Variants in SRPK2 observed in about 807,000 individuals in gnomAD.
SRPK2 encodes SRSF protein kinase 2, also known as SFRS protein kinase 2.
In SRPK2, 21 loss-of-function variants were observed where a neutral mutation model predicts 90.8. That is an observed-to-expected ratio of 0.23 (90% CI 0.16 to 0.33). The LOEUF is 0.33. SRPK2 is among the 10% of genes least tolerant of loss of function. The pLI is 1.00. For missense variants in SRPK2, 620 were observed against 869.0 expected (o/e 0.71, Z 3.60); for synonymous variants, 288 against 311.1 (o/e 0.93, Z 0.78).
chr7:105,386,072 T>C (rs924514289), intron 2 of SRPK2, among the ~76,000 whole-genome samples: 12 of 151,976 alleles, frequency 7.9e-5, no homozygotes, highest in African/African-American at 2.9e-4. Flanking sequence ...CCCAGCACTT[T>C]AGGAGGCCGA....
Position 105,303,463 on chromosome 7 carries a change from TA to T in SRPK2, c.71+85184del, listed in dbSNP as rs569579209. Among the ~76,000 whole-genome samples the T allele has an allele frequency of 5.7e-4, 85 of 148,488 alleles. No individual in the cohort carries two copies. In the Middle Eastern group the frequency reaches 0.021, roughly 36 times the overall value. On this transcript the variant is annotated intron_variant, in intron 2 of 15. Coordinates refer to ENST00000393651, the MANE Select transcript of SRPK2 (RefSeq NM_182692.3). ...TGTACCCTAGAACTTAAAGTATAAT[TA>T]AAAAAAAAATGACCTGAGTAAAAAG...
intron 2 of SRPK2, among the ~76,000 whole-genome samples, chr7:105,343,417 G>A (rs1816059932): frequency 6.6e-6 from 1 of 152,140 alleles, no homozygotes; most frequent in Non-Finnish European, 1.5e-5. Context: ...CTGGGCAATA[G>A]AGCGAGACCC....
intron 4 of SRPK2, among the ~76,000 whole-genome samples, chr7:105,168,475 A>G (rs1790368628): frequency 6.6e-6 from 1 of 152,206 alleles, no homozygotes; most frequent in African/African-American, 2.4e-5. Flanking sequence ...AGCATTTCAG[A>G]TAAGGGATAT....
chr7:105,277,475 A>T (rs1447456733), intron 2 of SRPK2, among the ~76,000 whole-genome samples: 1 of 152,244 alleles, frequency 6.6e-6, no homozygotes, highest in Non-Finnish European at 1.5e-5. Context: ...TCTGAAGCCA[A>T]GTATTGAGGT....
chr7:105,367,013 G>C (rs1585913876), intron 2 of SRPK2, among the ~76,000 whole-genome samples: 1 of 151,922 alleles, frequency 6.6e-6, no homozygotes, highest in African/African-American at 2.4e-5. Flanking sequence ...TTACAGACTT[G>C]CACTAAACAT....
At chr7:105,251,775 G>C (rs762490704) in intron 2 of SRPK2, among the ~76,000 whole-genome samples, 4 of 152,198 alleles carry the variant, frequency 2.6e-5, no homozygotes, top group Non-Finnish European at 5.9e-5. Flanking sequence ...GGGTGTGTCT[G>C]GTGATGGGTA....
At chr7:105,315,034 T>TG (rs1396150067) in intron 2 of SRPK2, among the ~76,000 whole-genome samples, 1 of 152,210 alleles carries the variant, frequency 6.6e-6, no homozygotes, top group Non-Finnish European at 1.5e-5. Flanking sequence ...CCCAGCACTC[T>TG]GGGAGGCTGA....
chr7:105,227,260 T>C (rs763693988), intron 2 of SRPK2, among the ~76,000 whole-genome samples: 3 of 152,214 alleles, frequency 2.0e-5, no homozygotes, highest in Admixed American at 2.0e-4. Context: ...TTAGTGGTGA[T>C]CTGTGAGATC....
chr7:105,185,724 G>A (rs1400840534), intron 3 of SRPK2, among the ~76,000 whole-genome samples: 3 of 152,144 alleles, frequency 2.0e-5, no homozygotes, highest in African/African-American at 4.8e-5. Context: ...AGCCTCACTC[G>A]AAAGCCCCAC....
At chr7:105,140,684 C>T (rs566700685) in intron 11 of SRPK2, among the ~76,000 whole-genome samples, 3 of 151,834 alleles carry the variant, frequency 2.0e-5, no homozygotes. Flanking sequence ...AAACTTCAGC[C>T]GGGCGCGGTG....
At chr7:105,293,507 G>A (rs1045996368) in intron 2 of SRPK2, among the ~76,000 whole-genome samples, 1 of 132,628 alleles carries the variant, frequency 7.5e-6, no homozygotes, top group Non-Finnish European at 1.6e-5. Flanking sequence ...CCCCCACCCC[G>A]CCCCGGGTTT....
At chr7:105,232,458 T>TATA (rs1799548996) in intron 2 of SRPK2, among the ~76,000 whole-genome samples, 1 of 132,064 alleles carries the variant, frequency 7.6e-6, no homozygotes, top group Admixed American at 7.7e-5. Flanking sequence ...AAACCTTATC[T>TATA]AAAAAAAAAA....
chr7:105,230,114 T>C (rs927069104), intron 2 of SRPK2, among the ~76,000 whole-genome samples: 1 of 152,176 alleles, frequency 6.6e-6, no homozygotes, highest in Non-Finnish European at 1.5e-5. Flanking sequence ...CTGAACACTG[T>C]AATGCTCATC....
At chr7:105,306,428 T>A (rs1215386909) in intron 2 of SRPK2, 1 of 422,182 alleles carries the variant, frequency 2.4e-6, no homozygotes, top group South Asian at 1.7e-5. Flanking sequence ...AAGTAGAAAT[T>A]TTGAAACCTA....
At chr7:105,130,764 G>A (rs181801631) in intron 13 of SRPK2, among the ~76,000 whole-genome samples, 11 of 151,738 alleles carry the variant, frequency 7.2e-5, no homozygotes, top group African/African-American at 2.2e-4. Context: ...ATGACTTTTG[G>A]GGGGTGGGGC....
intron 2 of SRPK2, among the ~76,000 whole-genome samples, chr7:105,256,380 G>A (rs1307970126): frequency 6.6e-6 from 1 of 152,140 alleles, no homozygotes; most frequent in Admixed American, 6.5e-5. Flanking sequence ...TTTAGAGACA[G>A]AGTCTCACTC....
At chr7:105,204,835 A>G (rs1563079415) in intron 2 of SRPK2, 3 of 485,730 alleles carry the variant, frequency 6.2e-6, no homozygotes, top group East Asian at 5.8e-5. Flanking sequence ...GCCGTTGTCA[A>G]TGAAGAGTTC....
At chr7:105,217,363 T>C (rs1009971769) in intron 2 of SRPK2, among the ~76,000 whole-genome samples, 1 of 152,202 alleles carries the variant, frequency 6.6e-6, no homozygotes, top group African/African-American at 2.4e-5. Flanking sequence ...TTAAGCGGAA[T>C]AGAAATTCAA....
At chr7:105,343,866 G>A (rs1816126046) in intron 2 of SRPK2, among the ~76,000 whole-genome samples, 2 of 152,038 alleles carry the variant, frequency 1.3e-5, no homozygotes, top group South Asian at 2.1e-4. Flanking sequence ...GGGTTCAAGC[G>A]ATTCTCCTGC....
Sources: gnomAD v4.1 joint callset for allele counts (sites outside exome capture counted in the v4.1 genomes callset) on GRCh38, gnomAD v4.1.1 for gene constraint, MANE v1.5 for transcripts, NCBI Gene and HGNC (gene_info 2026-07-23, HGNC 2026-07-21) for gene names.